The following PLCL1 variants were observed in gnomAD, a reference collection of about 807,000 sequenced individuals.
PLCL1 encodes phospholipase C like 1 (inactive).
In PLCL1, 41 loss-of-function variants were observed where a neutral mutation model predicts 84.4. That is an observed-to-expected ratio of 0.49 (90% CI 0.38 to 0.63). The LOEUF (loss-of-function observed/expected upper bound fraction) is 0.63, where lower values mean the gene tolerates loss of function less well. Among genes scored for constraint, PLCL1 ranks in the 30% least tolerant of loss-of-function variants. The probability of loss-of-function intolerance (pLI) is 0.00; values close to 1 mark genes in which losing one functional copy is unlikely to be tolerated. For synonymous variants in PLCL1, 490 were observed against 488.3 expected, an observed-to-expected ratio of 1.00 and a Z score of -0.05; for missense variants, 1,206 against 1,367.8, an observed-to-expected ratio of 0.88 and a Z score of 1.87.
intron 1 of PLCL1, among the ~76,000 whole-genome samples, chr2:197,903,715 G>C (rs1250213821): frequency 1.4e-5 from 2 of 140,788 alleles, no homozygotes; most frequent in South Asian, 2.2e-4. Flanking sequence ...GTGTTAGCCG[G>C]GATGGTCTCG....
At chr2:197,897,154 T>G (rs1026024051) in intron 1 of PLCL1, among the ~76,000 whole-genome samples, 1 of 32,414 alleles carries the variant, frequency 3.1e-5, no homozygotes, top group East Asian at 4.3e-4. Context: ...CTTCTTCTTC[T>G]TCTTCTTCTT....
chr2:197,855,415 T>G (rs1433476413), intron 1 of PLCL1, among the ~76,000 whole-genome samples: 1 of 152,204 alleles, frequency 6.6e-6, no homozygotes, highest in African/African-American at 2.4e-5. Flanking sequence ...TCACAACAAA[T>G]CAATCTTTGG....
At chr2:197,834,980 T>C (rs903481275) in intron 1 of PLCL1, among the ~76,000 whole-genome samples, 1 of 152,156 alleles carries the variant, frequency 6.6e-6, no homozygotes, top group African/African-American at 2.4e-5. Flanking sequence ...TAAAAAAGGA[T>C]GAGTTCATGT....
intron 5 of PLCL1, among the ~76,000 whole-genome samples, chr2:198,105,215 A>G (rs974624896): frequency 2.6e-5 from 4 of 151,878 alleles, no homozygotes; most frequent in African/African-American, 9.7e-5. Flanking sequence ...AAGAGGTCCA[A>G]TTTCAATCTT....
chr2:198,029,703 C>G (rs1025260217), intron 1 of PLCL1, among the ~76,000 whole-genome samples: 9 of 151,786 alleles, frequency 5.9e-5, no homozygotes, highest in Non-Finnish European at 1.0e-4. Context: ...CTTCTCTCCT[C>G]TTCTCTCTTC....
chr2:198,070,988 A>G, intron 1 of PLCL1: 1 of 825,952 alleles, frequency 1.2e-6, no homozygotes, highest in Non-Finnish European at 1.5e-6. Context: ...AGAGATAACC[A>G]CTATCACCAA....
chr2:197,988,283 G>A (rs1690260311), intron 1 of PLCL1, among the ~76,000 whole-genome samples: 1 of 152,144 alleles, frequency 6.6e-6, no homozygotes, highest in Non-Finnish European at 1.5e-5. Flanking sequence ...TTGGTTACAT[G>A]GATGAATTGT....
chr2:198,131,596 A>G (rs1432243139), intron 5 of PLCL1, among the ~76,000 whole-genome samples: 1 of 152,196 alleles, frequency 6.6e-6, no homozygotes, highest in Non-Finnish European at 1.5e-5. Flanking sequence ...TTCCAAAGTC[A>G]CAAAGTCAAT....
chr2:197,829,745 C>A (rs1246355068), intron 1 of PLCL1, among the ~76,000 whole-genome samples: 1 of 152,148 alleles, frequency 6.6e-6, no homozygotes, highest in Non-Finnish European at 1.5e-5. Flanking sequence ...TGGCACATTG[C>A]TCTGGTTGTT....
intron 1 of PLCL1, among the ~76,000 whole-genome samples, chr2:197,973,331 T>G (rs988468140): frequency 6.6e-6 from 1 of 152,168 alleles, no homozygotes; most frequent in African/African-American, 2.4e-5. Flanking sequence ...GAATTGAAGG[T>G]GAATTCTAGG....
intron 1 of PLCL1, among the ~76,000 whole-genome samples, chr2:197,932,831 A>G (rs562235453): frequency 6.6e-6 from 1 of 152,304 alleles, no homozygotes; most frequent in African/African-American, 2.4e-5. Context: ...AATGGTGAAG[A>G]AATAGGAGAG....
chr2:198,088,814 T>A, intron 2 of PLCL1, 44 bp from the exon 3 acceptor site: 1 of 1,121,208 alleles, frequency 8.9e-7, no homozygotes. Context: ...GGCGGTGATG[T>A]GTCAGGTGGT....
intron 5 of PLCL1, among the ~76,000 whole-genome samples, chr2:198,110,171 C>T (rs1693580375): frequency 6.6e-6 from 1 of 151,824 alleles, no homozygotes; most frequent in East Asian, 1.9e-4. Flanking sequence ...GGATAGATTT[C>T]CAACTTATAA....
chr2:198,132,407 G>C (rs1424142602), intron 5 of PLCL1, among the ~76,000 whole-genome samples: 1 of 152,070 alleles, frequency 6.6e-6, no homozygotes, highest in Admixed American at 6.6e-5. Context: ...CAAACTTCTG[G>C]ATTCTCTACA....
At chr2:197,993,675 TC>T (rs1255984595) in intron 1 of PLCL1, among the ~76,000 whole-genome samples, 1 of 152,144 alleles carries the variant, frequency 6.6e-6, no homozygotes, top group Non-Finnish European at 1.5e-5. Flanking sequence ...GCAGAAGCTG[TC>T]AACTTCTCTA....
intron 1 of PLCL1, among the ~76,000 whole-genome samples, chr2:197,923,801 G>A (rs1183160159): frequency 6.6e-6 from 1 of 152,146 alleles, no homozygotes; most frequent in Admixed American, 6.5e-5. Context: ...GGAGGCCAAG[G>A]CAGGCGGCTG....
chr2:198,084,910 C>T lies in PLCL1; in HGVS notation c.1393C>T (p.His465Tyr), dbSNP rs542624108. 1.7e-5 allele frequency: 27 copies of T among 1,613,814 alleles called. No individual in the cohort carries two copies. The highest frequency in any genetic ancestry group is 2.7e-5 in the African/African-American group (2 of 74,914). Residue 465 changes from histidine to tyrosine, a missense_variant, in exon 2 of 6, where the codon CAT becomes TAT. His to Tyr is a moderately conservative substitution (Grantham distance 83). Coordinates refer to ENST00000428675, the MANE Select transcript of PLCL1 (RefSeq NM_006226.4). Reference sequence around the variant, plus strand: ...TTGTAATCGAAATAACATGACAACCCATGTTTCCTTTCGAAGTGTCATAGA... The same window carrying T: ...TTGTAATCGAAATAACATGACAACCTATGTTTCCTTTCGAAGTGTCATAGA... ...ILCNRNNMTT[H>Y]VSFRSVIEVI...
intron 1 of PLCL1, among the ~76,000 whole-genome samples, chr2:197,993,418 C>A (rs1489191031): frequency 1.3e-5 from 2 of 152,112 alleles, no homozygotes; most frequent in East Asian, 3.9e-4. Flanking sequence ...CTGTGCTGGT[C>A]CCTGTGTGCT....
At chr2:198,046,037 T>C (rs1326554724) in intron 1 of PLCL1, among the ~76,000 whole-genome samples, 1 of 152,146 alleles carries the variant, frequency 6.6e-6, no homozygotes, top group Non-Finnish European at 1.5e-5. Context: ...CCTTTTGATG[T>C]TTTCATAGTT....
Sources: gnomAD v4.1 joint callset for allele counts (sites outside exome capture counted in the v4.1 genomes callset) on GRCh38, gnomAD v4.1.1 for gene constraint, MANE v1.5 for transcripts, NCBI Gene and HGNC (gene_info 2026-07-23, HGNC 2026-07-21) for gene names.